CUX2: variants seen among roughly 807,000 people sequenced by gnomAD.
The protein encoded by CUX2 is homeobox protein cut-like 2.
Under a neutral mutation model 144.8 loss-of-function variants are expected in CUX2, and 40 were observed. The ratio of observed to expected loss-of-function variants is 0.28; its 90% CI spans 0.21 to 0.36. CUX2 has a LOEUF of 0.36. Among genes scored for constraint, CUX2 ranks in the 10% least tolerant of loss-of-function variants. The probability of loss-of-function intolerance (pLI) is 1.00; values close to 1 mark genes in which losing one functional copy is unlikely to be tolerated. For missense variants in CUX2, 1,615 were observed against 1,994.0 expected, an observed-to-expected ratio of 0.81 and a Z score of 3.62; for synonymous variants, 827 against 875.6, an observed-to-expected ratio of 0.94 and a Z score of 0.98.
intron 1 of CUX2, among the ~76,000 whole-genome samples, chr12:111,179,825 T>G (rs1879064274): frequency 2.0e-5 from 3 of 152,028 alleles, no homozygotes; most frequent in Admixed American, 2.0e-4. Flanking sequence ...TACAGGCACA[T>G]ACCACCATGC....
rs1242170185 is a variant in CUX2, at chr12:111,342,059, A to T, written c.3659+6A>T. On this transcript the variant is annotated splice_donor_region_variant and intron_variant, in intron 21 of 21. Transcript: ENST00000261726. ...AACTGGTTCCACAACTACAGGTGGG[A>T]CTATGGGGGCGTACCCACAGGCGGG... The T allele has an allele frequency of 1.2e-6, 2 of 1,607,544 alleles. No individual in the cohort carries two copies.
intron 20 of CUX2, chr12:111,339,681 CATTGGAAGATAAG>C (rs1483343102): frequency 6.6e-6 from 1 of 152,162 alleles, no homozygotes; most frequent in East Asian, 1.9e-4. Flanking sequence ...GTTCAAAGTC[CATTGGAAGATAAG>C]ATAGGAGCAG....
At chr12:111,236,710 AGG>A (rs1882768342) in intron 3 of CUX2, among the ~76,000 whole-genome samples, 1 of 152,270 alleles carries the variant, frequency 6.6e-6, no homozygotes, top group Admixed American at 6.5e-5. Flanking sequence ...GAGAGGCAAT[AGG>A]AATTTTATGT....
intron 1 of CUX2, among the ~76,000 whole-genome samples, chr12:111,148,949 A>G (rs1383671468): frequency 6.6e-6 from 1 of 152,002 alleles, no homozygotes; most frequent in Admixed American, 6.6e-5. Flanking sequence ...GTGAGCTATG[A>G]TTGCACCACT....
intron 1 of CUX2, among the ~76,000 whole-genome samples, chr12:111,060,544 C>T (rs1239134919): frequency 3.3e-5 from 5 of 152,238 alleles, no homozygotes; most frequent in African/African-American, 1.2e-4. Flanking sequence ...CTTCTTGACT[C>T]TTGTCACAAG....
intron 21 of CUX2, among the ~76,000 whole-genome samples, chr12:111,345,860 A>G (rs1207499452): frequency 6.7e-6 from 1 of 150,190 alleles, no homozygotes; most frequent in African/African-American, 2.5e-5. Context: ...CTGTAATCCC[A>G]ACACTTTGGG....
chr12:111,168,772 T>C (rs1878319106), intron 1 of CUX2, among the ~76,000 whole-genome samples: 1 of 152,206 alleles, frequency 6.6e-6, no homozygotes, highest in Non-Finnish European at 1.5e-5. Context: ...TATGAGTCGA[T>C]GGAAGTAGCT....
intron 3 of CUX2, among the ~76,000 whole-genome samples, chr12:111,240,120 CTG>C (rs985377903): frequency 2.0e-5 from 3 of 152,240 alleles, no homozygotes; most frequent in Admixed American, 2.0e-4. Context: ...GATGAAGAAA[CTG>C]AGGCTTATCA....
rs1886621336 is a variant in CUX2, at chr12:111,307,040, G to A, written c.978G>A (p.Glu326=). The change falls in exon 11 of 22, where the codon GAG becomes GAA. Residue 326 remains glutamate (E), a synonymous_variant. Transcript: ENST00000261726. This position sits in a 1 kb window ranked among gnomAD's most constrained non-coding sequence, Gnocchi z 4.1. The stretch of plus-strand genomic sequence containing the variant: ...AGCACCTCCAGAGCTCACTGCAGGA[G>A]CTGGAGGAGGCATCCGCCAACCAGA... ...DVQHLQSSLQ[E]LEEASANQIA... 3 of 1,613,664 alleles carry A rather than the reference G, an allele frequency of 1.9e-6. No homozygotes were observed. Among genetic ancestry groups the A allele is most frequent in the African/African-American group, 1.3e-5 (1 of 74,936 alleles).
At chr12:111,086,457 A>G (rs1229090584) in intron 1 of CUX2, among the ~76,000 whole-genome samples, 7 of 152,228 alleles carry the variant, frequency 4.6e-5, no homozygotes, top group Admixed American at 2.6e-4. Flanking sequence ...TAGGCCTTTC[A>G]TAGTTAATGA....
intron 1 of CUX2, among the ~76,000 whole-genome samples, chr12:111,081,614 CT>C (rs1256642718): frequency 1.3e-5 from 2 of 152,048 alleles, no homozygotes; most frequent in African/African-American, 4.8e-5. Context: ...CTGATTCTGA[CT>C]GGCCATAAAG....
At chr12:111,206,008 T>C (rs1356297248) in intron 1 of CUX2, among the ~76,000 whole-genome samples, 1 of 152,208 alleles carries the variant, frequency 6.6e-6, no homozygotes, top group Non-Finnish European at 1.5e-5. Context: ...TTGGTAGTGA[T>C]ACATGTTAAG....
chr12:111,166,469 C>T (rs1364788985), intron 1 of CUX2, among the ~76,000 whole-genome samples: 2 of 152,226 alleles, frequency 1.3e-5, no homozygotes, highest in Non-Finnish European at 2.9e-5. Context: ...ATTTATTGAG[C>T]ATGGACTAAG....
chr12:111,277,482 C>T lies in CUX2; in HGVS notation c.301+13643C>T, dbSNP rs144553938. On this transcript the variant is annotated intron_variant, in intron 4 of 21. Coordinates refer to ENST00000261726, the MANE Select transcript of CUX2 (RefSeq NM_015267.4). The surrounding 1 kb of genome is among the most constrained non-coding windows in gnomAD (Gnocchi z 5.0). ...CCTGCTAGCTGCCTCATTAGGGCTCCGCGGAGACACCACTCCCCTCACCAG... is the reference window on the plus strand; with the variant it reads ...CCTGCTAGCTGCCTCATTAGGGCTCTGCGGAGACACCACTCCCCTCACCAG... 8.0e-4 allele frequency among the ~76,000 whole-genome samples: 122 copies of T among 152,056 alleles called. No individual in the cohort carries two copies. The East Asian group carries it at 0.016, about 20-fold the overall frequency.
Position 111,332,347 on chromosome 12 carries a change from G to A in CUX2, c.2927-2094G>A, listed in dbSNP as rs1888159276. Among the ~76,000 whole-genome samples, 4 of 150,834 alleles carry A rather than the reference G, an allele frequency of 2.7e-5. No homozygotes were observed. The South Asian group carries it at 8.6e-4, about 32-fold the overall frequency. On this transcript the variant is annotated intron_variant, in intron 18 of 21. Coordinates refer to ENST00000261726, the MANE Select transcript of CUX2 (RefSeq NM_015267.4). ...CGGGGTTTCACCATTTGGCCAGGCT[G>A]GTCTCCAACTCCTGACCTTAGGTGA...
chr12:111,149,006 A>G (rs1019727736), intron 1 of CUX2, among the ~76,000 whole-genome samples: 5 of 151,452 alleles, frequency 3.3e-5, no homozygotes, highest in Admixed American at 6.6e-5. Context: ...CTAAGGGTGG[A>G]AAAAAAAAGA....
At position 111,178,552 on chromosome 12, in the gene CUX2, C is replaced by A. The variant is rs1410002779; in HGVS notation, c.64-35648C>A. On this transcript the variant is annotated intron_variant, in intron 1 of 21. Coordinates refer to ENST00000261726, the MANE Select transcript of CUX2 (RefSeq NM_015267.4). The surrounding 1 kb of genome is among the most constrained non-coding windows in gnomAD (Gnocchi z 5.7). The stretch of plus-strand genomic sequence containing the variant: ...GAACTAGAACTGGATTTGCAAGGGA[C>A]CAGCTGGGATGGAAAGGGAATGGTC... Among the ~76,000 whole-genome samples the A allele has an allele frequency of 6.6e-6, 1 of 152,124 alleles. No individual in the cohort carries two copies. Among genetic ancestry groups the A allele is most frequent in the African/African-American group, 2.4e-5 (1 of 41,420 alleles).
rs1451824593 is a variant in CUX2 at position 111,304,343 on chromosome 12, G to A, written c.858+29G>A. On this transcript the variant is annotated intron_variant, in intron 10 of 21. Transcript: ENST00000261726. This position sits in a 1 kb window ranked among gnomAD's most constrained non-coding sequence, Gnocchi z 4.7. ...AGGATGGGGTTGGGGAAGTGAGCAG[G>A]GAGGGCAGAGGGAAAGATCGGGAAT... 1 of 1,569,816 alleles carries A rather than the reference G, an allele frequency of 6.4e-7. No individual in the cohort carries two copies. The highest frequency in any genetic ancestry group is 1.1e-5 in the South Asian group (1 of 88,780).
chr12:111,217,233 C>T (rs1881589752), intron 2 of CUX2, among the ~76,000 whole-genome samples: 3 of 152,188 alleles, frequency 2.0e-5, no homozygotes, highest in Admixed American at 6.5e-5. Flanking sequence ...AGACAGCCCA[C>T]GTCCATAGAG....
Sources: allele counts gnomAD v4.1 joint callset (sites outside exome capture counted in the v4.1 genomes callset), GRCh38; gene constraint gnomAD v4.1.1; non-coding constraint Gnocchi (gnomAD v3.1); transcripts MANE v1.5; gene names NCBI Gene and HGNC (gene_info 2026-07-23, HGNC 2026-07-21).